Variants in NR3C2 observed in about 807,000 individuals in gnomAD.
The protein encoded by NR3C2 is mineralocorticoid receptor.
A neutral mutation model predicts 86.4 loss-of-function variants in NR3C2; 15 were observed. That is an observed-to-expected ratio of 0.17 (90% CI 0.12 to 0.27). The LOEUF (loss-of-function observed/expected upper bound fraction) is 0.27, where lower values mean the gene tolerates loss of function less well. Among genes scored for constraint, NR3C2 ranks in the 10% least tolerant of loss-of-function variants. The probability of loss-of-function intolerance (pLI) is 1.00; values close to 1 mark genes in which losing one functional copy is unlikely to be tolerated. For synonymous variants in NR3C2, 458 were observed against 450.5 expected (o/e 1.02, Z -0.21); for missense variants, 960 against 1,195.6 (o/e 0.80, Z 2.91).
Position 148,436,403 on chromosome 4 carries a change from G to A in NR3C2, c.458C>T (p.Thr153Ile), listed in dbSNP as rs1032475208. 1.2e-6 allele frequency: 2 copies of A among 1,614,070 alleles called. No individual in the cohort carries two copies. The highest frequency in any genetic ancestry group is 1.7e-5 in the Admixed American group (1 of 60,006). The change falls in exon 2 of 9, where the codon ACT (threonine) becomes ATT (isoleucine). Residue 153 changes from threonine (T) to isoleucine (I), a missense_variant. Around this residue, in one of 4 missense-constraint regions of NR3C2, gnomAD observed 680 missense variants for 719.0 expected, o/e 0.95. Coordinates refer to ENST00000358102, the MANE Select transcript of NR3C2 (RefSeq NM_000901.5). ...CAAGGGCGTGTTCACACAACTTAGA[G>A]TGGAAGGACGATGGCCATTTCCTTT... ...FYKGNGHRPS[T>I]LSCVNTPLRS...
chr4:148,256,100 C>T (rs185228698), intron 3 of NR3C2, among the ~76,000 whole-genome samples: 34 of 152,300 alleles, frequency 2.2e-4, no homozygotes, highest in Admixed American at 3.9e-4. Context: ...CTGTGAGACT[C>T]CCAACTGTGG....
intron 6 of NR3C2, among the ~76,000 whole-genome samples, chr4:148,126,509 A>G (rs1351927177): frequency 6.6e-6 from 1 of 152,218 alleles, no homozygotes; most frequent in African/African-American, 2.4e-5. Context: ...GGTTTTCAGA[A>G]GGTAGAAATA....
At chr4:148,280,305 A>T (rs1741168491) in intron 2 of NR3C2, among the ~76,000 whole-genome samples, 1 of 152,154 alleles carries the variant, frequency 6.6e-6, no homozygotes, top group Non-Finnish European at 1.5e-5. Context: ...AATAAAAATG[A>T]CTTGTTCTGC....
intron 3 of NR3C2, among the ~76,000 whole-genome samples, chr4:148,215,964 G>A (rs1737515552): frequency 6.6e-6 from 1 of 151,774 alleles, no homozygotes; most frequent in South Asian, 2.1e-4. Flanking sequence ...GTGTGTGTGT[G>A]TTTTTAGTAG....
At chr4:148,394,525 A>C (rs1747759212) in intron 2 of NR3C2, among the ~76,000 whole-genome samples, 1 of 151,676 alleles carries the variant, frequency 6.6e-6, no homozygotes, top group Admixed American at 6.6e-5. Flanking sequence ...ACTCAAAAAA[A>C]AAAAAAAAAA....
rs1004589937 is a variant in NR3C2 at position 148,142,580 on chromosome 4, C to T, written c.2510+9889G>A. Among the ~76,000 whole-genome samples the T allele has an allele frequency of 5.3e-5, 8 of 152,220 alleles. No homozygotes were observed. The Middle Eastern group carries it at 0.01, about 194-fold the overall frequency. ...CGCAACCACGGCTCCCTGCAACCTCCGCCTCCTGGGCTCAAGTGATACTCC... is the reference window on the plus strand; with the variant it reads ...CGCAACCACGGCTCCCTGCAACCTCTGCCTCCTGGGCTCAAGTGATACTCC... On this transcript the variant is annotated intron_variant, in intron 6 of 8. Transcript: ENST00000358102.
chr4:148,266,870 T>C (rs900814455), intron 2 of NR3C2, among the ~76,000 whole-genome samples: 2 of 152,186 alleles, frequency 1.3e-5, no homozygotes, highest in Non-Finnish European at 2.9e-5. Context: ...CAGAGAAATT[T>C]TTTTAAAGTA....
intron 3 of NR3C2, among the ~76,000 whole-genome samples, chr4:148,216,198 C>T (rs1737525987): frequency 6.6e-6 from 1 of 152,044 alleles, no homozygotes; most frequent in South Asian, 2.1e-4. Flanking sequence ...TGTATTTTAA[C>T]ATATCACAAA....
chr4:148,123,737 T>A (rs1732621655), intron 6 of NR3C2, among the ~76,000 whole-genome samples: 1 of 152,270 alleles, frequency 6.6e-6, no homozygotes, highest in South Asian at 2.1e-4. Context: ...GCTATGGCTC[T>A]ACTGGATTTA....
intron 3 of NR3C2, among the ~76,000 whole-genome samples, chr4:148,239,007 C>A (rs1738882388): frequency 1.3e-5 from 2 of 152,138 alleles, no homozygotes; most frequent in South Asian, 2.1e-4. Context: ...AGCAGCCCAA[C>A]AGACAGATGG....
intron 2 of NR3C2, among the ~76,000 whole-genome samples, chr4:148,362,633 A>G (rs1196639228): frequency 2.0e-5 from 3 of 152,206 alleles, no homozygotes; most frequent in Non-Finnish European, 4.4e-5. Context: ...TGCCGAGACT[A>G]TACAGCAGTG....
intron 3 of NR3C2, among the ~76,000 whole-genome samples, chr4:148,216,347 T>A (rs774283405): frequency 6.6e-6 from 1 of 152,202 alleles, no homozygotes; most frequent in Non-Finnish European, 1.5e-5. Flanking sequence ...AAGTCAAAAG[T>A]GTGCTTAAGC....
chr4:148,426,196 C>T (rs1040421154), intron 2 of NR3C2, among the ~76,000 whole-genome samples: 11 of 152,176 alleles, frequency 7.2e-5, no homozygotes, highest in African/African-American at 2.4e-4. Flanking sequence ...ATTGTGCCTC[C>T]ACCCCATGCC....
intron 2 of NR3C2, among the ~76,000 whole-genome samples, chr4:148,304,668 C>T (rs1481430527): frequency 6.6e-6 from 1 of 151,984 alleles, no homozygotes; most frequent in Non-Finnish European, 1.5e-5. Flanking sequence ...GTTAGATGTA[C>T]TACTTTAGAG....
intron 3 of NR3C2, among the ~76,000 whole-genome samples, chr4:148,229,395 C>T (rs113443685): frequency 1.0e-3 from 156 of 152,278 alleles, no homozygotes; most frequent in African/African-American, 3.6e-3. Flanking sequence ...AATATTTCCT[C>T]ATGTCTATTT....
At chr4:148,378,255 T>C (rs1176699957) in intron 2 of NR3C2, among the ~76,000 whole-genome samples, 1 of 151,994 alleles carries the variant, frequency 6.6e-6, no homozygotes, top group Non-Finnish European at 1.5e-5. Flanking sequence ...ATTAAATTAA[T>C]AACAGTGTTA....
Position 148,242,065 on chromosome 4 carries a change from G to A in NR3C2, c.1897+17913C>T, listed in dbSNP as rs368674519. ...GGGGAAGAGGAATTAGGATTTAAGT[G>A]TTTAATAGGTACAGATTTTCAGTTT... On this transcript the variant is annotated intron_variant, in intron 3 of 8. Coordinates refer to ENST00000358102, the MANE Select transcript of NR3C2 (RefSeq NM_000901.5). 1.1e-4 allele frequency among the ~76,000 whole-genome samples: 16 copies of A among 152,272 alleles called. No individual in the cohort carries two copies. In the South Asian group the frequency reaches 2.3e-3, roughly 22 times the overall value.
chr4:148,094,639 C>T (rs567149579), intron 8 of NR3C2, among the ~76,000 whole-genome samples: 46 of 150,942 alleles, frequency 3.0e-4, no homozygotes, highest in Admixed American at 7.9e-4. Flanking sequence ...CGCTTGAACC[C>T]GGGAGGCGGA....
At chr4:148,112,559 C>A (rs1217381948) in intron 8 of NR3C2, among the ~76,000 whole-genome samples, 2 of 152,204 alleles carry the variant, frequency 1.3e-5, no homozygotes, top group East Asian at 3.8e-4. Flanking sequence ...TCCCCAAAGC[C>A]TTGCTTGCCA....
Sources: allele counts gnomAD v4.1 joint callset (sites outside exome capture counted in the v4.1 genomes callset), GRCh38; gene constraint gnomAD v4.1.1; regional missense constraint gnomAD v4.1.1; transcripts MANE v1.5; gene names NCBI Gene and HGNC (gene_info 2026-07-23, HGNC 2026-07-21).